The following GPC6 variants were observed in gnomAD, a reference collection of about 807,000 sequenced individuals.
The protein encoded by GPC6 is glypican 6.
A neutral mutation model predicts 55.2 loss-of-function variants in GPC6; 14 were observed. That is an observed-to-expected ratio of 0.25 (90% CI 0.17 to 0.40). The LOEUF (loss-of-function observed/expected upper bound fraction) is 0.40. Ranked by LOEUF, GPC6 falls within the 10% of genes least tolerant of loss-of-function variation. GPC6 has a pLI of 1.00. For missense variants in GPC6, 641 were observed against 708.5 expected, an observed-to-expected ratio of 0.90 and a Z score of 1.08; for synonymous variants, 278 against 259.6, an observed-to-expected ratio of 1.07 and a Z score of -0.68.
chr13:93,661,454 T>A (rs1208830406), intron 2 of GPC6, among the ~76,000 whole-genome samples: 1 of 152,132 alleles, frequency 6.6e-6, no homozygotes. Flanking sequence ...CCTCAAGTGA[T>A]CCACCTCCCA....
At chr13:93,320,933 T>A (rs1041744153) in intron 1 of GPC6, among the ~76,000 whole-genome samples, 2 of 137,560 alleles carry the variant, frequency 1.5e-5, no homozygotes, top group East Asian at 2.3e-4. Context: ...AGCGGTTTTT[T>A]AAATTGCAAT....
At chr13:93,545,490 GA>G in intron 2 of GPC6, 69 bp downstream of exon 2, 1 of 1,312,656 alleles carries the variant, frequency 7.6e-7, no homozygotes, top group Non-Finnish European at 1.1e-6. Context: ...GGTATCATAT[GA>G]AAAATATTTT....
chr13:93,902,667 C>A (rs1014964873), intron 3 of GPC6, among the ~76,000 whole-genome samples: 1 of 152,124 alleles, frequency 6.6e-6, no homozygotes, highest in Non-Finnish European at 1.5e-5. Flanking sequence ...TTTATATTCC[C>A]GCTAACAGTT....
At chr13:93,343,249 G>A (rs1025416535) in intron 1 of GPC6, among the ~76,000 whole-genome samples, 8 of 151,948 alleles carry the variant, frequency 5.3e-5, no homozygotes, top group African/African-American at 1.9e-4. Flanking sequence ...AATTTGGCTG[G>A]CAAACTCAAG....
rs149210011 is a variant in GPC6 at position 93,973,813 on chromosome 13, A to T, written c.712-53916A>T. 2.1e-3 allele frequency among the ~76,000 whole-genome samples: 321 copies of T among 152,262 alleles called. 1 individual carries two copies. The highest frequency in any genetic ancestry group is 7.4e-3 in the African/African-American group (308 of 41,558). ...ACTACAGATGCATGTTTTACTGAGA[A>T]GGTCCTATAGTTTTTTACGAGGTTC... On this transcript the variant is annotated intron_variant, in intron 3 of 8. Coordinates refer to ENST00000377047, the MANE Select transcript of GPC6 (RefSeq NM_005708.5).
intron 3 of GPC6, among the ~76,000 whole-genome samples, chr13:93,918,434 C>A (rs528175369): frequency 6.6e-6 from 1 of 151,490 alleles, no homozygotes; most frequent in African/African-American, 2.4e-5. Context: ...AACTCAAAGT[C>A]GCTGCTAGCA....
intron 4 of GPC6, among the ~76,000 whole-genome samples, chr13:94,161,194 T>C (rs929627125): frequency 9.2e-5 from 14 of 152,250 alleles, no homozygotes; most frequent in Non-Finnish European, 1.3e-4. Context: ...AAGGCTCTTA[T>C]ACTTTTCTTT....
chr13:93,468,914 T>C (rs1879010740), intron 1 of GPC6, among the ~76,000 whole-genome samples: 1 of 152,068 alleles, frequency 6.6e-6, no homozygotes, highest in Non-Finnish European at 1.5e-5. Context: ...AGACTGTGGG[T>C]TTTTTGTTTG....
chr13:93,856,823 A>C (rs1404114728), intron 3 of GPC6, among the ~76,000 whole-genome samples: 1 of 151,612 alleles, frequency 6.6e-6, no homozygotes, highest in Non-Finnish European at 1.5e-5. Context: ...CTCTTGCTAC[A>C]TCATTAGCTG....
chr13:93,406,150 T>C (rs1030794145), intron 1 of GPC6, among the ~76,000 whole-genome samples: 1 of 152,214 alleles, frequency 6.6e-6, no homozygotes, highest in African/African-American at 2.4e-5. Context: ...TGCCTCTTGG[T>C]GGAAAGAGTG....
chr13:94,116,694 A>T (rs1391364048), intron 4 of GPC6, among the ~76,000 whole-genome samples: 4 of 152,094 alleles, frequency 2.6e-5, no homozygotes, highest in Non-Finnish European at 4.4e-5. Context: ...GTATTCTACG[A>T]TGGAGAATGA....
At chr13:93,411,265 C>T (rs1245462114) in intron 1 of GPC6, among the ~76,000 whole-genome samples, 1 of 152,124 alleles carries the variant, frequency 6.6e-6, no homozygotes, top group East Asian at 1.9e-4. Flanking sequence ...TCATGACCTG[C>T]TTGCCTCATC....
At chr13:94,255,430 A>C (rs1240207616) in intron 4 of GPC6, among the ~76,000 whole-genome samples, 1 of 152,152 alleles carries the variant, frequency 6.6e-6, no homozygotes, top group Non-Finnish European at 1.5e-5. Context: ...AAATTTTACC[A>C]CTATAGAAAC....
intron 2 of GPC6, among the ~76,000 whole-genome samples, chr13:93,555,123 A>G (rs1875387627): frequency 6.6e-6 from 1 of 152,102 alleles, no homozygotes; most frequent in Admixed American, 6.6e-5. Context: ...TTTAAAATTT[A>G]TTTGCATGTT....
chr13:94,394,429 G>A (rs1172696914), intron 7 of GPC6, among the ~76,000 whole-genome samples: 3 of 152,174 alleles, frequency 2.0e-5, no homozygotes, highest in African/African-American at 7.2e-5. Flanking sequence ...TGTCTCCCAG[G>A]GATATGATGG....
chr13:93,567,222 G>A (rs1048474364), intron 2 of GPC6, among the ~76,000 whole-genome samples: 1 of 152,098 alleles, frequency 6.6e-6, no homozygotes, highest in Non-Finnish European at 1.5e-5. Context: ...AATATGTGCT[G>A]TAATAGACAC....
chr13:94,352,507 G>A lies in GPC6; in HGVS notation c.1153-29907G>A, dbSNP rs1445473556. Among the ~76,000 whole-genome samples the A allele has an allele frequency of 6.4e-4, 97 of 152,086 alleles. 2 individuals carry two copies. Among genetic ancestry groups the A allele is most frequent in the Non-Finnish European group, 1.6e-4 (11 of 68,012 alleles). ...GAGTGAGGCCCCAACATTCATTCTC[G>A]GGGCTTCCTCACTGTGAGGTTGCTT... On this transcript the variant is annotated intron_variant, in intron 6 of 8. Coordinates refer to ENST00000377047, the MANE Select transcript of GPC6 (RefSeq NM_005708.5).
chr13:93,490,666 C>A (rs1184194442), intron 1 of GPC6, among the ~76,000 whole-genome samples: 2 of 82,606 alleles, frequency 2.4e-5, no homozygotes, highest in Non-Finnish European at 4.5e-5. Context: ...CTATCCCTCC[C>A]CCCTCCCCCC....
chr13:93,576,800 G>A (rs868858290), intron 2 of GPC6, among the ~76,000 whole-genome samples: 6 of 152,236 alleles, frequency 3.9e-5, no homozygotes, highest in African/African-American at 1.4e-4. Context: ...AAGAAAGAAT[G>A]TGTAATGCAT....
Sources: allele counts gnomAD v4.1 joint callset (sites outside exome capture counted in the v4.1 genomes callset), GRCh38; gene constraint gnomAD v4.1.1; transcripts MANE v1.5; gene names NCBI Gene and HGNC (gene_info 2026-07-23, HGNC 2026-07-21).